The following GPC5 variants were observed in gnomAD, a reference collection of about 807,000 sequenced individuals.
GPC5 encodes glypican-5.
GPC5 carries 47 observed loss-of-function variants against 53.9 expected under a neutral mutation model. The observed-to-expected ratio is 0.87, with a 90% confidence interval of 0.69 to 1.11. The LOEUF (loss-of-function observed/expected upper bound fraction) is 1.11, where lower values mean the gene tolerates loss of function less well. GPC5 is among the 50% of genes most tolerant of loss of function. GPC5 has a pLI of 0.00. For missense variants in GPC5, 748 were observed against 713.1 expected, an observed-to-expected ratio of 1.05 and a Z score of -0.56; for synonymous variants, 286 against 263.3, an observed-to-expected ratio of 1.09 and a Z score of -0.84.
chr13:92,435,826 T>C (rs1306972367), intron 7 of GPC5, among the ~76,000 whole-genome samples: 1 of 152,164 alleles, frequency 6.6e-6, no homozygotes, highest in African/African-American at 2.4e-5. Flanking sequence ...AACATGAAAT[T>C]TAAAAATAGT....
intron 6 of GPC5, among the ~76,000 whole-genome samples, chr13:92,135,148 T>C (rs1176098992): frequency 1.3e-5 from 2 of 152,150 alleles, no homozygotes; most frequent in Admixed American, 1.3e-4. Flanking sequence ...TCTGAATCTT[T>C]CCAGTGAACT....
chr13:92,853,933 T>C (rs1401093690), intron 7 of GPC5, among the ~76,000 whole-genome samples: 1 of 152,102 alleles, frequency 6.6e-6, no homozygotes, highest in East Asian at 1.9e-4. Flanking sequence ...TCTTCTCATC[T>C]ATAAACTTGC....
At chr13:91,952,443 A>G (rs1479858685) in intron 6 of GPC5, among the ~76,000 whole-genome samples, 1 of 152,166 alleles carries the variant, frequency 6.6e-6, no homozygotes, top group Non-Finnish European at 1.5e-5. Context: ...TTGCATATCA[A>G]ATCAAAAGTT....
At chr13:92,606,121 G>A (rs1382884667) in intron 7 of GPC5, among the ~76,000 whole-genome samples, 2 of 151,710 alleles carry the variant, frequency 1.3e-5, no homozygotes, top group Non-Finnish European at 2.9e-5. Flanking sequence ...AAGTTCTAGG[G>A]TACATGTACA....
At position 92,171,013 on chromosome 13, in the gene GPC5, AGCT is replaced by A. The variant is rs561984766; in HGVS notation, c.1561+26028_1561+26030del. ...AGTTATCCTTCATGTACTGTGTAGA[AGCT>A]GCTACACACCTACTCTATTCTTCTT... On this transcript the variant is annotated intron_variant, in intron 7 of 7. Coordinates refer to ENST00000377067, the MANE Select transcript of GPC5 (RefSeq NM_004466.6). Among the ~76,000 whole-genome samples the A allele has an allele frequency of 8.0e-4, 122 of 152,242 alleles. 1 individual carries two copies. Among genetic ancestry groups the A allele is most frequent in the Non-Finnish European group, 1.5e-3 (100 of 68,012 alleles).
At chr13:92,345,396 T>G (rs569535469) in intron 7 of GPC5, among the ~76,000 whole-genome samples, 2 of 152,200 alleles carry the variant, frequency 1.3e-5, no homozygotes, top group East Asian at 3.9e-4. Context: ...TAGTAGCATT[T>G]AAAAGAGAAA....
At chr13:91,435,873 T>A (rs555824195) in intron 1 of GPC5, among the ~76,000 whole-genome samples, 58 of 152,336 alleles carry the variant, frequency 3.8e-4, no homozygotes, top group African/African-American at 1.3e-3. Context: ...GAGCCTGTTA[T>A]TGGTCTATTC....
intron 6 of GPC5, among the ~76,000 whole-genome samples, chr13:92,027,581 C>T (rs1027067254): frequency 1.2e-4 from 19 of 152,132 alleles, no homozygotes; most frequent in African/African-American, 4.6e-4. Context: ...CACAATGTCT[C>T]TGTAAGTCTC....
chr13:92,047,793 A>G lies in GPC5; in HGVS notation c.1402-97037A>G, dbSNP rs540693329. ...AGACCATCCTGGCTAACATGGTGAAACTCTGTCTCTACTAAAAAAAAAAAA... is the reference window on the plus strand; with the variant it reads ...AGACCATCCTGGCTAACATGGTGAAGCTCTGTCTCTACTAAAAAAAAAAAA... On this transcript the variant is annotated intron_variant, in intron 6 of 7. Transcript: ENST00000377067. 8.8e-4 allele frequency among the ~76,000 whole-genome samples: 125 copies of G among 141,946 alleles called. 1 individual carries two copies. The Middle Eastern group carries it at 0.035, about 39-fold the overall frequency. The allele number at this position is 141,946 out of a possible 152,430, so 93.1% of individuals were successfully genotyped here.
intron 7 of GPC5, among the ~76,000 whole-genome samples, chr13:92,563,234 C>T (rs183236866): frequency 1.2e-4 from 18 of 151,978 alleles, no homozygotes; most frequent in Admixed American, 1.1e-3. Flanking sequence ...AAATGTCTCA[C>T]GTAAAATAAA....
At chr13:92,677,898 T>C (rs185224071) in intron 7 of GPC5, among the ~76,000 whole-genome samples, 33 of 152,200 alleles carry the variant, frequency 2.2e-4, no homozygotes, top group Non-Finnish European at 4.6e-4. Flanking sequence ...TCCCATAGGG[T>C]TGTCATATTT....
In GPC5 at chr13:92,279,562, C is replaced by G. The variant is rs74971753; in HGVS notation, c.1561+134573C>G. Among the ~76,000 whole-genome samples, 905 of 152,034 alleles carry G rather than the reference C, an allele frequency of 6.0e-3. 10 individuals are homozygous for G. The highest frequency in any genetic ancestry group is 0.021 in the African/African-American group (861 of 41,526). ...TCTGTCTTTTGTCTTGTTCCTGACC[C>G]TAAAAGCAAAGCTTTCAGTCCTTCA... is the stretch of plus-strand genomic sequence containing the variant. On this transcript the variant is annotated intron_variant, in intron 7 of 7. Transcript: ENST00000377067.
At chr13:92,712,463 AC>A (rs368518601) in intron 7 of GPC5, among the ~76,000 whole-genome samples, 10,653 of 29,368 alleles carry the variant, frequency 0.36, 417 homozygotes, top group South Asian at 0.5. Context: ...AAACAAACAA[AC>A]AAAAAAAAAA....
intron 7 of GPC5, among the ~76,000 whole-genome samples, chr13:92,323,322 AACAT>A: frequency 6.8e-6 from 1 of 147,148 alleles, no homozygotes; most frequent in East Asian, 2.0e-4. Flanking sequence ...ATATATATAC[AACAT>A]ACATATATAA....
chr13:92,074,719 G>GTAACCCTC (rs1555308799), intron 6 of GPC5, among the ~76,000 whole-genome samples: 1 of 152,162 alleles, frequency 6.6e-6, no homozygotes, highest in African/African-American at 2.4e-5. Context: ...GAAGGTATTT[G>GTAACCCTC]TAACCCTCGA....
At chr13:92,509,732 GCAAA>G (rs755152100) in intron 7 of GPC5, 3 of 152,118 alleles carry the variant, frequency 2.0e-5, no homozygotes, top group South Asian at 2.1e-4. Flanking sequence ...TTAAAAGCTA[GCAAA>G]CAAACAACGG....
rs114936668 is a variant in GPC5 at position 92,667,155 on chromosome 13, G to A, written c.1562-199127G>A. 6.7e-3 allele frequency among the ~76,000 whole-genome samples: 1,020 copies of A among 152,248 alleles called. 9 individuals are homozygous for A. The highest frequency in any genetic ancestry group is 0.023 in the African/African-American group (940 of 41,540). On this transcript the variant is annotated intron_variant, in intron 7 of 7. Coordinates refer to ENST00000377067, the MANE Select transcript of GPC5 (RefSeq NM_004466.6). Reference sequence around the variant, plus strand: ...TCTACTGTTTTTTAGAACTGTCTGGGTTTCGAGGTCTTAAACAGAGGCATG... The same window carrying A: ...TCTACTGTTTTTTAGAACTGTCTGGATTTCGAGGTCTTAAACAGAGGCATG...
rs370462291 is a variant in GPC5 at position 91,742,204 on chromosome 13, C to T, written c.1154+13539C>T. On this transcript the variant is annotated intron_variant, in intron 4 of 7. Transcript: ENST00000377067. ...GACCTGCAGGGGGTCAAACTACAGG[C>T]GCACAGGAAAAGCAAATGCCAGAAG... Among the ~76,000 whole-genome samples, 28 of 152,120 alleles carry T rather than the reference C, an allele frequency of 1.8e-4. 1 individual carries two copies. Among genetic ancestry groups the T allele is most frequent in the East Asian group, 1.4e-3 (7 of 5,166 alleles).
chr13:92,578,305 G>C (rs6492618), intron 7 of GPC5, among the ~76,000 whole-genome samples: 82,930 of 152,006 alleles, frequency 0.55, 24,311 homozygotes, highest in African/African-American at 0.76. Context: ...AATGAGCAAC[G>C]AAGTTTGAGC....
Sources: gnomAD v4.1 joint callset for allele counts (sites outside exome capture counted in the v4.1 genomes callset) on GRCh38, gnomAD v4.1.1 for gene constraint, MANE v1.5 for transcripts, NCBI Gene and HGNC (gene_info 2026-07-23, HGNC 2026-07-21) for gene names.